SYNPR: variants seen among roughly 807,000 people sequenced by gnomAD.
SYNPR encodes the protein synaptoporin.
Under a neutral mutation model 32.9 loss-of-function variants are expected in SYNPR, and 23 were observed. That is an observed-to-expected ratio of 0.70 (90% CI 0.50 to 0.99). The LOEUF is 0.99. SYNPR is among the 50% of genes least tolerant of loss of function. The pLI is 0.00. For missense variants in SYNPR, 318 were observed against 349.3 expected, an observed-to-expected ratio of 0.91 and a Z score of 0.71; for synonymous variants, 146 against 135.9, an observed-to-expected ratio of 1.07 and a Z score of -0.52.
intron 2 of SYNPR, among the ~76,000 whole-genome samples, chr3:63,477,308 C>T (rs529261260): frequency 1.1e-4 from 17 of 152,276 alleles, no homozygotes; most frequent in African/African-American, 3.6e-4. Flanking sequence ...GTTGATTTCA[C>T]GCTCCAAAAT....
intron 2 of SYNPR, among the ~76,000 whole-genome samples, chr3:63,461,798 T>C (rs987100579): frequency 6.6e-6 from 1 of 151,818 alleles, no homozygotes; most frequent in African/African-American, 2.4e-5. Flanking sequence ...AACCTCAGTT[T>C]CCCCAGCCGT....
At chr3:63,489,618 A>G (rs17068808) in intron 3 of SYNPR, among the ~76,000 whole-genome samples, 61,449 of 151,998 alleles carry the variant, frequency 0.4, 12,423 homozygotes, top group East Asian at 0.49. Flanking sequence ...CTTGGTATGT[A>G]TTTGTTGGTG....
rs77165366 is a variant in SYNPR at position 63,523,557 on chromosome 3, C to T, written c.210-32986C>T. Among the ~76,000 whole-genome samples the T allele has an allele frequency of 4.6e-3, 697 of 152,248 alleles. 9 individuals are homozygous for T. The highest frequency in any genetic ancestry group is 0.016 in the African/African-American group (651 of 41,552). On this transcript the variant is annotated intron_variant, in intron 3 of 5. Transcript: ENST00000478300. The stretch of plus-strand genomic sequence containing the variant: ...AACCATCAGAACCCTGACAGATGCA[C>T]GCTGACAATCCCACTAGGGCAGATC...
chr3:63,586,197 T>A (rs1347175267), intron 4 of SYNPR, among the ~76,000 whole-genome samples: 1 of 151,962 alleles, frequency 6.6e-6, no homozygotes, highest in Admixed American at 6.6e-5. Context: ...GGTCTTCAAT[T>A]CTAGAAAGGC....
At chr3:63,214,424 G>T in the SYNPR span, among the ~76,000 whole-genome samples, 3 of 28,436 alleles carry the variant, frequency 1.1e-4, no homozygotes, top group African/African-American at 3.4e-4. Flanking sequence ...ACTTCTTCCT[G>T]GTTTAGTCTT....
intron 2 of SYNPR, among the ~76,000 whole-genome samples, chr3:63,378,181 G>C (rs1158495144): frequency 1.3e-5 from 2 of 151,732 alleles, no homozygotes; most frequent in Non-Finnish European, 2.9e-5. Context: ...ATGTAACTTT[G>C]AGTGTCCAGA....
At chr3:63,570,966 A>G (rs1201380410) in intron 4 of SYNPR, among the ~76,000 whole-genome samples, 1 of 152,224 alleles carries the variant, frequency 6.6e-6, no homozygotes, top group East Asian at 1.9e-4. Flanking sequence ...ATAGAAACAT[A>G]TAAAAGAACC....
chr3:63,405,266 G>C (rs963088110), intron 2 of SYNPR, among the ~76,000 whole-genome samples: 1 of 152,158 alleles, frequency 6.6e-6, no homozygotes, highest in Non-Finnish European at 1.5e-5. Flanking sequence ...ACCATGCAAT[G>C]AGTGGTCTAA....
chr3:63,612,873 C>T (rs370758983), intron 5 of SYNPR, among the ~76,000 whole-genome samples: 26 of 138,320 alleles, frequency 1.9e-4, no homozygotes, highest in African/African-American at 6.5e-4. Flanking sequence ...ATTTTTCCTC[C>T]CCTCCCCCAC....
intron 4 of SYNPR, among the ~76,000 whole-genome samples, chr3:63,584,144 CT>C (rs1703142039): frequency 6.6e-6 from 1 of 152,042 alleles, no homozygotes; most frequent in African/African-American, 2.4e-5. Context: ...TTCTGGTGTC[CT>C]TTACAATGAA....
chr3:63,385,990 T>C (rs2088038687), intron 2 of SYNPR, among the ~76,000 whole-genome samples: 1 of 152,202 alleles, frequency 6.6e-6, no homozygotes, highest in Admixed American at 6.5e-5. Flanking sequence ...TTGAATTACA[T>C]TTGGGTAATT....
intron 3 of SYNPR, among the ~76,000 whole-genome samples, chr3:63,509,222 T>C (rs1400163561): frequency 6.6e-6 from 1 of 150,958 alleles, no homozygotes; most frequent in Admixed American, 6.6e-5. Flanking sequence ...TATACATATG[T>C]ATGGGTATAT....
chr3:63,582,443 C>T (rs992275373), intron 4 of SYNPR, among the ~76,000 whole-genome samples: 2 of 152,062 alleles, frequency 1.3e-5, no homozygotes, highest in African/African-American at 4.8e-5. Flanking sequence ...CATAACTACT[C>T]ATGACCAGAT....
At chr3:63,400,359 A>C (rs2088274124) in intron 2 of SYNPR, among the ~76,000 whole-genome samples, 1 of 152,262 alleles carries the variant, frequency 6.6e-6, no homozygotes, top group Non-Finnish European at 1.5e-5. Context: ...GAGTTTTTGC[A>C]TGAAACTGCA....
At chr3:63,540,931 AC>A (rs1702290290) in intron 3 of SYNPR, among the ~76,000 whole-genome samples, 3 of 44,652 alleles carry the variant, frequency 6.7e-5, no homozygotes, top group African/African-American at 3.8e-4. Context: ...CCCCCCCCCA[AC>A]ACACACACAC....
chr3:63,541,759 C>A (rs1702307976), intron 3 of SYNPR, among the ~76,000 whole-genome samples: 3 of 151,938 alleles, frequency 2.0e-5, no homozygotes, highest in Admixed American at 2.0e-4. Context: ...GGTTTAGGAG[C>A]CCAGAGAAGC....
chr3:63,481,093 C>T, intron 3 of SYNPR, 137 bp downstream of exon 3: 3 of 1,191,062 alleles, frequency 2.5e-6, no homozygotes, highest in Non-Finnish European at 3.4e-6. Context: ...ACGGAATGCC[C>T]AAACACAGTG....
At chr3:63,396,613 T>C (rs1260989924) in intron 2 of SYNPR, among the ~76,000 whole-genome samples, 1 of 151,854 alleles carries the variant, frequency 6.6e-6, no homozygotes, top group African/African-American at 2.4e-5. Context: ...TTTGAAAAGA[T>C]GTATGATGGA....
chr3:63,582,425 C>T (rs572755765), intron 4 of SYNPR, among the ~76,000 whole-genome samples: 10 of 152,090 alleles, frequency 6.6e-5, no homozygotes, highest in African/African-American at 2.4e-4. Flanking sequence ...CATATGGTGT[C>T]CCCATAGCAT....
Sources: allele counts gnomAD v4.1 joint callset (sites outside exome capture counted in the v4.1 genomes callset), GRCh38; gene constraint gnomAD v4.1.1; transcripts MANE v1.5; gene names NCBI Gene and HGNC (gene_info 2026-07-23, HGNC 2026-07-21).